Variants in AZIN2 observed in about 807,000 individuals in gnomAD.
The protein encoded by AZIN2 is ODC antizyme inhibitor-2.
A neutral mutation model predicts 47.8 loss-of-function variants in AZIN2; 28 were observed. The observed-to-expected ratio is 0.59, with a 90% CI of 0.43 to 0.80. The LOEUF is 0.80. Among genes scored for constraint, AZIN2 ranks in the 30% least tolerant of loss-of-function variants. The pLI, the probability that AZIN2 is intolerant of heterozygous loss-of-function variation, is 0.00. For missense variants in AZIN2, 535 were observed against 582.5 expected (o/e 0.92, Z 0.84); for synonymous variants, 221 against 239.4 (o/e 0.92, Z 0.71).
the AZIN2 span, chr1:33,146,386 G>A: frequency 8.9e-3 from 1,445 of 161,584 alleles, 22 homozygotes; most frequent in African/African-American, 0.033. Context: ...GGCTGAAGAG[G>A]GTTGGCTGGA....
At chr1:33,109,400 C>T (rs1644180142) in intron 10 of AZIN2, among the ~76,000 whole-genome samples, 2 of 151,360 alleles carry the variant, frequency 1.3e-5, no homozygotes, top group African/African-American at 4.9e-5. Context: ...GAGATCTTGG[C>T]TCACTGCAAC....
chr1:33,098,844 A>G (rs1203107915), intron 10 of AZIN2, among the ~76,000 whole-genome samples: 1 of 149,968 alleles, frequency 6.7e-6, no homozygotes, highest in Non-Finnish European at 1.5e-5. Context: ...GCTCACTGCA[A>G]CCTCCACCTC....
chr1:33,094,617 G>A lies in AZIN2; in HGVS notation c.657G>A (p.Val219=). Reference sequence around the variant, plus strand: ...AGTCCATCGCAGACGCCCGGCTCGTGTTTGAAATGGGCACCGAGCTGGGTC... The same window carrying A: ...AGTCCATCGCAGACGCCCGGCTCGTATTTGAAATGGGCACCGAGCTGGGTC... ...YAQSIADARL[V]FEMGTELGHK... The change falls in exon 8 of 12, where the codon GTG becomes GTA. Residue 219 remains valine, a synonymous_variant. Transcript: ENST00000294517. 6.2e-7 allele frequency: 1 copy of A among 1,614,178 alleles called. No individual in the cohort carries two copies. The highest frequency in any genetic ancestry group is 1.1e-5 in the South Asian group (1 of 91,090).
the AZIN2 span, among the ~76,000 whole-genome samples, chr1:33,140,239 G>T: frequency 1.3e-5 from 2 of 152,212 alleles, no homozygotes; most frequent in African/African-American, 4.8e-5. The surrounding 1 kb of genome is among the most constrained non-coding windows in gnomAD (Gnocchi z 4.0). Flanking sequence ...GCTGTCCAGG[G>T]TCATTGGTGA....
At chr1:33,159,896 G>C in the AZIN2 span, 1 of 1,610,384 alleles carries the variant, frequency 6.2e-7, no homozygotes, top group Non-Finnish European at 8.5e-7. The surrounding 1 kb of genome is among the most constrained non-coding windows in gnomAD (Gnocchi z 4.2). Flanking sequence ...AGCCGGTGCA[G>C]CCGCTCGAAG....
intron 10 of AZIN2, among the ~76,000 whole-genome samples, chr1:33,114,785 T>G (rs1644462341): frequency 6.6e-6 from 1 of 151,154 alleles, no homozygotes; most frequent in African/African-American, 2.4e-5. Context: ...GCCTCCTGAG[T>G]AGCTGGGATT....
chr1:33,102,803 C>G (rs751581131), intron 10 of AZIN2, among the ~76,000 whole-genome samples: 1 of 152,116 alleles, frequency 6.6e-6, no homozygotes, highest in African/African-American at 2.4e-5. Flanking sequence ...TCCAACTACC[C>G]GCTTGAGATT....
intron 5 of AZIN2, among the ~76,000 whole-genome samples, chr1:33,088,268 C>T (rs1250167625): frequency 6.6e-6 from 1 of 152,182 alleles, no homozygotes; most frequent in East Asian, 1.9e-4. Context: ...GAAGGGCCCC[C>T]TCAGTCTGCT....
chr1:33,113,706 T>C lies in AZIN2; in HGVS notation c.1030-4196T>C, dbSNP rs1163371641. On this transcript the variant is annotated intron_variant, in intron 10 of 11. Coordinates refer to ENST00000294517, the MANE Select transcript of AZIN2 (RefSeq NM_052998.4). The surrounding 1 kb of genome is among the most constrained non-coding windows in gnomAD (Gnocchi z 4.1). ...AGCTACTTAATCTCTCTGAGCCTTG[T>C]TTCTCTAGTTTCTCCATTTGGAAAA... Among the ~76,000 whole-genome samples, 1 of 152,242 alleles carries C rather than the reference T, an allele frequency of 6.6e-6. No individual in the cohort carries two copies. The highest frequency in any genetic ancestry group is 1.5e-5 in the Non-Finnish European group (1 of 68,036).
the AZIN2 span, chr1:33,147,491 C>T: frequency 1.6e-5 from 26 of 1,612,550 alleles, no homozygotes; most frequent in East Asian, 2.0e-4. The surrounding 1 kb of genome is among the most constrained non-coding windows in gnomAD (Gnocchi z 8.1). Context: ...TTGCGGCTTG[C>T]GGCTTCGTGT....
the AZIN2 span, among the ~76,000 whole-genome samples, chr1:33,152,775 C>T: frequency 6.6e-6 from 1 of 152,032 alleles, no homozygotes; most frequent in African/African-American, 2.4e-5. Context: ...GAGGGGAGTG[C>T]ATTGCTCTGG....
intron 9 of AZIN2, 106 bp downstream of exon 9, chr1:33,096,975 C>A: frequency 2.2e-6 from 3 of 1,388,580 alleles, no homozygotes; most frequent in Non-Finnish European, 3.0e-6. Context: ...ATGGGGGAAT[C>A]TGGAGAATGA....
Position 33,094,584 on chromosome 1 carries a change from C to T in AZIN2, c.624C>T (p.Ala208=), listed in dbSNP as rs1642935051. The T allele has an allele frequency of 6.2e-7, 1 of 1,614,032 alleles. No homozygotes were observed. The highest frequency in any genetic ancestry group is 8.5e-7 in the Non-Finnish European group (1 of 1,180,026). The part of the protein sequence containing the change: ...HIGSGCPDPQ[A]YAQSIADARL... ...GCAGTGGCTGTCCTGACCCTCAGGC[C>T]TATGCTCAGTCCATCGCAGACGCCC... is the stretch of plus-strand genomic sequence containing the variant. The change falls in exon 8 of 12, where the codon GCC becomes GCT. Residue 208 remains alanine (A), a synonymous_variant. Coordinates refer to ENST00000294517, the MANE Select transcript of AZIN2 (RefSeq NM_052998.4).
At chr1:33,149,889 T>A in the AZIN2 span, among the ~76,000 whole-genome samples, 1 of 152,190 alleles carries the variant, frequency 6.6e-6, no homozygotes, top group African/African-American at 2.4e-5. Flanking sequence ...CTCCCTTGTG[T>A]GTCCAGAGCC....
chr1:33,144,352 G>C, the AZIN2 span, among the ~76,000 whole-genome samples: 1 of 152,126 alleles, frequency 6.6e-6, no homozygotes, highest in Non-Finnish European at 1.5e-5. Flanking sequence ...TGGTCAGGGC[G>C]GTTTTGAACT....
intron 10 of AZIN2, among the ~76,000 whole-genome samples, chr1:33,105,791 G>C (rs1190581668): frequency 1.3e-5 from 2 of 152,218 alleles, no homozygotes; most frequent in Non-Finnish European, 2.9e-5. Context: ...CTTCACAAAT[G>C]CAAGATACGA....
intron 7 of AZIN2, among the ~76,000 whole-genome samples, chr1:33,093,762 ACT>A (rs1214646860): frequency 1.4e-4 from 19 of 135,476 alleles, no homozygotes; most frequent in African/African-American, 4.3e-4. Context: ...ATAGGGTCTC[ACT>A]CTGTCACCTA....
intron 10 of AZIN2, among the ~76,000 whole-genome samples, chr1:33,105,396 T>C (rs539992925): frequency 6.6e-6 from 1 of 151,848 alleles, no homozygotes; most frequent in Admixed American, 6.5e-5. Flanking sequence ...TATTAGTTTG[T>C]TCTCACACTG....
At chr1:33,157,131 T>G in the AZIN2 span, among the ~76,000 whole-genome samples, 1 of 152,064 alleles carries the variant, frequency 6.6e-6, no homozygotes, top group Non-Finnish European at 1.5e-5. Context: ...CTGGCTCTCA[T>G]CTCACTCAGC....
Sources: allele counts gnomAD v4.1 joint callset (sites outside exome capture counted in the v4.1 genomes callset), GRCh38; gene constraint gnomAD v4.1.1; non-coding constraint Gnocchi (gnomAD v3.1); transcripts MANE v1.5; gene names NCBI Gene and HGNC (gene_info 2026-07-23, HGNC 2026-07-21).